NCOA2: variants seen among roughly 807,000 people sequenced by gnomAD.
The protein encoded by NCOA2 is nuclear receptor coactivator 2.
Under a neutral mutation model 145.1 loss-of-function variants are expected in NCOA2, and 21 were observed. The observed-to-expected ratio is 0.14, with a 90% CI of 0.10 to 0.21. The LOEUF is 0.21. NCOA2 is among the 10% of genes least tolerant of loss of function. NCOA2 has a pLI of 1.00. For missense variants in NCOA2, 1,472 were observed against 1,837.6 expected (o/e 0.80, Z 3.64); for synonymous variants, 619 against 637.5 (o/e 0.97, Z 0.44).
the NCOA2 span, among the ~76,000 whole-genome samples, chr8:70,437,263 C>T: frequency 1.3e-4 from 20 of 152,228 alleles, no homozygotes; most frequent in Non-Finnish European, 2.9e-5. Flanking sequence ...GAGATCAAAT[C>T]CTCTCACACA....
At chr8:70,338,304 T>C (rs1013375068) in intron 1 of NCOA2, among the ~76,000 whole-genome samples, 3 of 152,094 alleles carry the variant, frequency 2.0e-5, no homozygotes, top group African/African-American at 7.2e-5. Flanking sequence ...GAGAATACTA[T>C]AAACACTTCC....
chr8:70,179,019 T>C (rs1274353884), intron 4 of NCOA2, among the ~76,000 whole-genome samples: 3 of 152,222 alleles, frequency 2.0e-5, no homozygotes, highest in East Asian at 1.9e-4. Flanking sequence ...TATAGGTTAA[T>C]TGCAAGAGAA....
intron 1 of NCOA2, among the ~76,000 whole-genome samples, chr8:70,301,676 A>G (rs1296491640): frequency 1.1e-4 from 17 of 150,946 alleles, no homozygotes; most frequent in African/African-American, 3.2e-4. Flanking sequence ...AAAAAAAAAA[A>G]AAAAGAAAGA....
At chr8:70,214,965 T>C (rs1819443101) in intron 3 of NCOA2, among the ~76,000 whole-genome samples, 1 of 152,102 alleles carries the variant, frequency 6.6e-6, no homozygotes. Flanking sequence ...ATTTTAAAAT[T>C]TCTGGATTCA....
At chr8:70,144,889 T>C in intron 12 of NCOA2, 41 bp from the exon 13 acceptor site, 3 of 1,511,962 alleles carry the variant, frequency 2.0e-6, no homozygotes, top group Non-Finnish European at 2.8e-6. Context: ...TAATATAGGA[T>C]AATGGAAAAT....
chr8:70,115,441 C>A (rs1563468603), intron 22 of NCOA2, among the ~76,000 whole-genome samples: 2 of 152,290 alleles, frequency 1.3e-5, no homozygotes, highest in South Asian at 2.1e-4. Flanking sequence ...CTGGGGTGTA[C>A]CCTGGCTGTG....
At chr8:70,157,962 C>T (rs1563542342) in intron 10 of NCOA2, among the ~76,000 whole-genome samples, 1 of 152,214 alleles carries the variant, frequency 6.6e-6, no homozygotes, top group Non-Finnish European at 1.5e-5. Context: ...TTACTAATGA[C>T]TAAAAGCAGG....
intron 1 of NCOA2, among the ~76,000 whole-genome samples, chr8:70,379,794 C>T (rs536067043): frequency 7.3e-5 from 11 of 150,650 alleles, no homozygotes; most frequent in Admixed American, 4.0e-4. Flanking sequence ...TTATCCTATA[C>T]ATAAAATTTA....
At chr8:70,231,369 T>C (rs1487758351) in intron 2 of NCOA2, among the ~76,000 whole-genome samples, 1 of 152,254 alleles carries the variant, frequency 6.6e-6, no homozygotes, top group Non-Finnish European at 1.5e-5. Flanking sequence ...AGGTATGCCA[T>C]AGGTGCAATA....
At chr8:70,404,908 A>C (rs1056988199), upstream of NCOA2, among the ~76,000 whole-genome samples, 3 of 152,182 alleles carry the variant, frequency 2.0e-5, no homozygotes, top group Non-Finnish European at 4.4e-5. Flanking sequence ...AATGGCAGTT[A>C]TCAAACTATG....
At chr8:70,204,325 T>C (rs758533065) in intron 4 of NCOA2, among the ~76,000 whole-genome samples, 15 of 152,282 alleles carry the variant, frequency 9.9e-5, no homozygotes, top group Admixed American at 2.0e-4. Flanking sequence ...TTTCAAAATA[T>C]ATTCTAGTCG....
the NCOA2 span, among the ~76,000 whole-genome samples, chr8:70,435,864 A>T: frequency 1.3e-5 from 2 of 152,062 alleles, no homozygotes; most frequent in Admixed American, 6.5e-5. Flanking sequence ...AGGTCTTGCT[A>T]TGTTGCCCAG....
intron 1 of NCOA2, among the ~76,000 whole-genome samples, chr8:70,384,970 G>T (rs770750844): frequency 6.6e-6 from 1 of 152,170 alleles, no homozygotes; most frequent in African/African-American, 2.4e-5. Context: ...TAGAAACACA[G>T]TTACTCTAAA....
intron 2 of NCOA2, among the ~76,000 whole-genome samples, chr8:70,232,897 G>A (rs530073789): frequency 1.5e-3 from 26 of 17,738 alleles, no homozygotes; most frequent in East Asian, 3.3e-3. Context: ...ACACACGTGC[G>A]TAGATATACA....
chr8:70,185,710 T>C (rs562488110), intron 4 of NCOA2, among the ~76,000 whole-genome samples: 144 of 152,274 alleles, frequency 9.5e-4, no homozygotes, highest in African/African-American at 3.2e-3. Context: ...CAAAGATCTC[T>C]AGTAGCCAAG....
At chr8:70,293,218 C>T (rs1826839525) in intron 2 of NCOA2, among the ~76,000 whole-genome samples, 1 of 152,040 alleles carries the variant, frequency 6.6e-6, no homozygotes, top group South Asian at 2.1e-4. Context: ...TAGATAGTGC[C>T]CAAAGCCTGA....
chr8:70,314,180 C>CAAAA lies in NCOA2; in HGVS notation c.-76-17384_-76-17381dup, dbSNP rs61028027. On this transcript the variant is annotated intron_variant, in intron 1 of 22. Transcript: ENST00000452400. ...GGGCGACAGAGCAAGACTCTGACTC[C>CAAAA]AAAAAAAAAAAAAAAAAAAAAAAAA... Among the ~76,000 whole-genome samples, 30 of 17,200 alleles carry CAAAA rather than the reference C, an allele frequency of 1.7e-3. 3 individuals are homozygous for CAAAA. The highest frequency in any genetic ancestry group is 4.1e-3 in the East Asian group (1 of 244). The allele number at this position is 17,200 out of a possible 152,430, so 11.3% of individuals were successfully genotyped here. A position where few individuals can be genotyped will look rare whatever the true frequency, so the allele number is the denominator to read the frequency against.
At chr8:70,274,627 A>T (rs914771826) in intron 2 of NCOA2, among the ~76,000 whole-genome samples, 14 of 152,246 alleles carry the variant, frequency 9.2e-5, no homozygotes, top group African/African-American at 3.4e-4. Context: ...TCTGTTTTAC[A>T]TTCATATTAC....
intron 4 of NCOA2, among the ~76,000 whole-genome samples, chr8:70,193,652 C>T (rs1816944023): frequency 6.6e-6 from 1 of 152,222 alleles, no homozygotes; most frequent in Non-Finnish European, 1.5e-5. Flanking sequence ...TCATGTCAAT[C>T]CCAAAAGAGC....
Sources: gnomAD v4.1 joint callset for allele counts (sites outside exome capture counted in the v4.1 genomes callset) on GRCh38, gnomAD v4.1.1 for gene constraint, MANE v1.5 for transcripts, NCBI Gene and HGNC (gene_info 2026-07-23, HGNC 2026-07-21) for gene names.